Variants in C3orf33 observed in about 807,000 individuals in gnomAD.
The protein encoded by C3orf33 is mitochondrial inner membrane subdomain organizer 1, also known as AP-1 activity suppressor.
In C3orf33, 23 loss-of-function variants were observed where a neutral mutation model predicts 28.7. That is an observed-to-expected ratio of 0.80 (90% CI 0.58 to 1.13). The LOEUF (loss-of-function observed/expected upper bound fraction) is 1.13, where lower values mean the gene tolerates loss of function less well. Ranked by LOEUF, C3orf33 falls within the 50% of genes most tolerant of loss-of-function variation. The probability of loss-of-function intolerance (pLI) is 0.00; values close to 1 mark genes in which losing one functional copy is unlikely to be tolerated. For missense variants in C3orf33, 327 were observed against 353.4 expected, an observed-to-expected ratio of 0.93 and a Z score of 0.60; for synonymous variants, 119 against 120.5, an observed-to-expected ratio of 0.99 and a Z score of 0.08.
intron 3 of C3orf33, among the ~76,000 whole-genome samples, chr3:155,769,768 C>T (rs1750526319): frequency 6.6e-6 from 1 of 152,132 alleles, no homozygotes; most frequent in African/African-American, 2.4e-5. Context: ...GGGGCAGGTG[C>T]CCGGTGAAAC....
intron 2 of C3orf33, among the ~76,000 whole-genome samples, chr3:155,793,824 AAAACT>A (rs1455440817): frequency 7.7e-5 from 8 of 104,480 alleles, no homozygotes; most frequent in South Asian, 2.9e-4. Context: ...AAAAAAAAAA[AAAACT>A]AAAAAAACTA....
At chr3:155,795,197 T>G (rs915402804) in intron 2 of C3orf33, among the ~76,000 whole-genome samples, 2 of 152,268 alleles carry the variant, frequency 1.3e-5, no homozygotes, top group African/African-American at 4.8e-5. Context: ...GGCTCACACC[T>G]GTAATCCCAG....
chr3:155,783,033 G>A (rs1211997888), intron 2 of C3orf33, among the ~76,000 whole-genome samples: 1 of 152,052 alleles, frequency 6.6e-6, no homozygotes, highest in Non-Finnish European at 1.5e-5. Flanking sequence ...AAAAAAATCT[G>A]CCATTATTTG....
rs900915488 is a variant in C3orf33 at position 155,763,589 on chromosome 3, G to C, written c.813C>G (p.Asn271Lys). Residue 271 changes from asparagine (N) to lysine (K), a missense_variant, in exon 5 of 5, where the codon AAC (asparagine) becomes AAG (lysine). Physicochemically the swap from Asn to Lys is moderately conservative, Grantham distance 94 (BLOSUM62 0). Transcript: ENST00000340171. ...LKRTYEIWKD[N>K]MNNCSLILKF... ...TCAGTATTAAGGAGCAGTTGTTCAT[G>C]TTGTCTTTCCATATTTCATAAGTCC... The C allele has an allele frequency of 6.3e-6, 10 of 1,579,438 alleles. No homozygotes were observed. Among genetic ancestry groups the C allele is most frequent in the Non-Finnish European group, 8.5e-6 (10 of 1,171,152 alleles).
chr3:155,765,832 G>A (rs986990060), intron 4 of C3orf33, among the ~76,000 whole-genome samples: 1 of 152,182 alleles, frequency 6.6e-6, no homozygotes, highest in African/African-American at 2.4e-5. Flanking sequence ...ACAGGCATGA[G>A]CCACTATGCC....
At chr3:155,783,720 G>A (rs1398204895) in intron 2 of C3orf33, among the ~76,000 whole-genome samples, 2 of 151,958 alleles carry the variant, frequency 1.3e-5, no homozygotes, top group Non-Finnish European at 2.9e-5. Flanking sequence ...GCCCGCTTTG[G>A]CCTCCCAAAG....
intron 1 of C3orf33, among the ~76,000 whole-genome samples, chr3:155,804,923 G>A (rs1343409156): frequency 1.3e-5 from 2 of 152,110 alleles, no homozygotes; most frequent in Non-Finnish European, 2.9e-5. Context: ...CTCCAAATTT[G>A]CACATCTCCA....
chr3:155,766,481 C>A (rs1044906069), intron 4 of C3orf33, among the ~76,000 whole-genome samples: 2 of 152,210 alleles, frequency 1.3e-5, no homozygotes, highest in African/African-American at 2.4e-5. Flanking sequence ...GACCTATCAA[C>A]AACATATTGG....
At position 155,790,436 on chromosome 3, in the gene C3orf33, G is replaced by A. The variant is rs77584012; in HGVS notation, c.174+12096C>T. 2.9e-3 allele frequency among the ~76,000 whole-genome samples: 443 copies of A among 151,948 alleles called. 13 individuals carry two copies. In the South Asian group the frequency reaches 0.06, roughly 20 times the overall value. On this transcript the variant is annotated intron_variant, in intron 2 of 4. Coordinates refer to ENST00000340171, the MANE Select transcript of C3orf33 (RefSeq NM_001308229.2). The stretch of plus-strand genomic sequence containing the variant: ...ATTAAAAAAAGAAAAAGAAAAACAG[G>A]GCAGAGAAAAATGGCTGAATCATGG...
intron 2 of C3orf33, among the ~76,000 whole-genome samples, chr3:155,786,050 GAAAAGGAAAGGA>G (rs1289897579): frequency 7.2e-6 from 1 of 138,354 alleles, no homozygotes; most frequent in Admixed American, 6.9e-5. Context: ...AAGGAAAAAG[GAAAAGGAAAGGA>G]AAAAGGGAAG....
At chr3:155,784,003 C>T (rs1239049746) in intron 2 of C3orf33, among the ~76,000 whole-genome samples, 5 of 151,730 alleles carry the variant, frequency 3.3e-5, no homozygotes, top group Non-Finnish European at 7.4e-5. Context: ...ACAGTCTTGG[C>T]TCACCACAAC....
chr3:155,775,940 TA>T, intron 2 of C3orf33, 92 bp from the exon 3 acceptor site: 1 of 912,908 alleles, frequency 1.1e-6, no homozygotes, highest in South Asian at 1.6e-5. Context: ...TTCACAAGAG[TA>T]CATAACCATG....
At position 155,775,724 on chromosome 3, in the gene C3orf33, AAAGT is replaced by A. The variant is rs1750726404; in HGVS notation, c.295_298del (p.Thr99TyrfsTer4). ...ACTTCTCAATGAAGCTATAATAGGT[AAAGT>A]AATAGGTATATGTTCAATTTCTAAA... On this transcript the variant is annotated frameshift_variant, in exon 3 of 5. Coordinates refer to ENST00000340171, the MANE Select transcript of C3orf33 (RefSeq NM_001308229.2). LOFTEE classifies it high-confidence loss of function. The A allele has an allele frequency of 1.9e-6, 3 of 1,567,446 alleles. No homozygotes were observed. The East Asian group carries it at 6.8e-5, about 35-fold the overall frequency.
At chr3:155,781,233 C>A (rs545638412) in intron 2 of C3orf33, among the ~76,000 whole-genome samples, 1 of 150,284 alleles carries the variant, frequency 6.7e-6, no homozygotes, top group South Asian at 2.1e-4. Context: ...GTCTCGATCT[C>A]CTGACCTCAT....
intron 2 of C3orf33, among the ~76,000 whole-genome samples, chr3:155,801,644 C>T (rs1029730027): frequency 2.0e-5 from 3 of 151,876 alleles, no homozygotes; most frequent in Admixed American, 6.6e-5. Context: ...TATAATGCCA[C>T]TTACATGAGA....
intron 2 of C3orf33, among the ~76,000 whole-genome samples, chr3:155,789,933 T>A (rs1751258940): frequency 6.6e-6 from 1 of 151,860 alleles, no homozygotes; most frequent in African/African-American, 2.4e-5. Context: ...GAGGCCAAGG[T>A]GGGTGGATAA....
chr3:155,798,074 GA>G (rs34314152), intron 2 of C3orf33, among the ~76,000 whole-genome samples: 51,176 of 132,318 alleles, frequency 0.39, 10,034 homozygotes, highest in Middle Eastern at 0.52. Flanking sequence ...CTGTCTCAAA[GA>G]AAAAAAAAAA....
intron 2 of C3orf33, among the ~76,000 whole-genome samples, chr3:155,799,278 A>T (rs556999974): frequency 6.6e-6 from 1 of 152,244 alleles, no homozygotes; most frequent in Non-Finnish European, 1.5e-5. Flanking sequence ...GATATATACC[A>T]AAAGAAAGGA....
chr3:155,772,685 C>G (rs962964439), intron 3 of C3orf33, among the ~76,000 whole-genome samples: 1 of 150,934 alleles, frequency 6.6e-6, no homozygotes, highest in Non-Finnish European at 1.5e-5. Context: ...TGCTGCTGTA[C>G]TGAGACAGTA....
Sources: allele counts gnomAD v4.1 joint callset (sites outside exome capture counted in the v4.1 genomes callset), GRCh38; gene constraint gnomAD v4.1.1; transcripts MANE v1.5; gene names NCBI Gene and HGNC (gene_info 2026-07-23, HGNC 2026-07-21).